SELE: variants seen among roughly 807,000 people sequenced by gnomAD.
SELE encodes selectin E, also known as E-selectin.
In SELE, 52 loss-of-function variants were observed where a neutral mutation model predicts 75.8. The ratio of observed to expected loss-of-function variants is 0.69; its 90% CI spans 0.55 to 0.86. SELE has a LOEUF of 0.86. Among genes scored for constraint, SELE ranks in the 40% least tolerant of loss-of-function variants. The probability of loss-of-function intolerance (pLI) is 0.00; values close to 1 mark genes in which losing one functional copy is unlikely to be tolerated. For missense variants in SELE, 754 were observed against 732.7 expected, an observed-to-expected ratio of 1.03 and a Z score of -0.34; for synonymous variants, 285 against 258.7, an observed-to-expected ratio of 1.10 and a Z score of -0.98.
At position 169,726,710 on chromosome 1, in the gene SELE, C is replaced by A; in HGVS notation, c.1742G>T (p.Cys581Phe). ...LAPFLLWLRK[C>F]LRKAKKFVPA... ...ATAAACTTCCTCACCTTTCCGTAAG[C>A]ATTTCCGAAGCCAGAGGAGAAATGG... The change falls in exon 11 of 14, where the codon TGC becomes TTC. Residue 581 changes from cysteine to phenylalanine, a missense_variant. By Grantham distance (205) the Cys-to-Phe change is radical. Transcript: ENST00000333360. The A allele has an allele frequency of 6.2e-7, 1 of 1,611,806 alleles. No homozygotes were observed. The highest frequency in any genetic ancestry group is 8.5e-7 in the Non-Finnish European group (1 of 1,178,058).
Position 169,733,006 on chromosome 1 carries a change from G to T in SELE, c.38-8C>A. The T allele has an allele frequency of 6.5e-7, 1 of 1,547,176 alleles. No individual in the cohort carries two copies. The highest frequency in any genetic ancestry group is 8.7e-7 in the Non-Finnish European group (1 of 1,154,898). On this transcript the variant is annotated splice_polypyrimidine_tract_variant and splice_region_variant and intron_variant, in intron 2 of 13. Transcript: ENST00000333360. ...TCTCTTTAATGAGAAGCACTAGTGG[G>T]AGAAAAAGAAAAGAAATGGTAGAGT...
intron 7 of SELE, among the ~76,000 whole-genome samples, chr1:169,728,898 T>C (rs1314202943): frequency 2.0e-5 from 3 of 152,214 alleles, no homozygotes; most frequent in African/African-American, 4.8e-5. Flanking sequence ...TTCCGAATTT[T>C]CTAATATGAT....
chr1:169,726,694 C>T lies in SELE; in HGVS notation c.1753+5G>A. 6.3e-7 allele frequency: 1 copy of T among 1,597,088 alleles called. No homozygotes were observed. The highest frequency in any genetic ancestry group is 8.6e-7 in the Non-Finnish European group (1 of 1,165,118). On this transcript the variant is annotated splice_donor_5th_base_variant and intron_variant, in intron 11 of 13. Coordinates refer to ENST00000333360, the MANE Select transcript of SELE (RefSeq NM_000450.2). Reference sequence around the variant, plus strand: ...TTTTTGAAGTACATTCATAAACTTCCTCACCTTTCCGTAAGCATTTCCGAA... The same window carrying T: ...TTTTTGAAGTACATTCATAAACTTCTTCACCTTTCCGTAAGCATTTCCGAA...
rs1235572603 is a variant in SELE, at chr1:169,727,388, C to T, written c.1606G>A (p.Ala536Thr). ...LNGSAARTCG[A>T]TGHWSGLLPT... Reference sequence around the variant, plus strand: ...AGCAGGCCAGACCAGTGTCCTGTGGCTCCACATGTCCGAGCTGCAGAGCCA... The same window carrying T: ...AGCAGGCCAGACCAGTGTCCTGTGGTTCCACATGTCCGAGCTGCAGAGCCA... The change falls in exon 10 of 14, where the codon GCC becomes ACC. Residue 536 changes from alanine (A) to threonine (T), a missense_variant. Coordinates refer to ENST00000333360, the MANE Select transcript of SELE (RefSeq NM_000450.2). The T allele has an allele frequency of 6.2e-7, 1 of 1,613,992 alleles. No individual in the cohort carries two copies. The highest frequency in any genetic ancestry group is 2.2e-5 in the East Asian group (1 of 44,884).
rs1433482149 is a variant in SELE, at chr1:169,734,002, T to C, written c.-80A>G. The C allele has an allele frequency of 1.9e-5, 4 of 208,948 alleles. No homozygotes were observed. The highest frequency in any genetic ancestry group is 7.9e-5 in the South Asian group (1 of 12,706). 12.9% of individuals were successfully genotyped at this position (208,948 alleles called of 1,614,324 possible). On this transcript the variant is annotated 5_prime_UTR_variant, in exon 1 of 14. Coordinates refer to ENST00000333360, the MANE Select transcript of SELE (RefSeq NM_000450.2). ...GGGAAGCAGTTGTTCAAACACAGGATCTCTCAGGTGGGTATCACTGCTGCC... is the reference window on the plus strand; with the variant it reads ...GGGAAGCAGTTGTTCAAACACAGGACCTCTCAGGTGGGTATCACTGCTGCC...
In SELE at chr1:169,729,632, C is replaced by T. The variant is rs55856271; in HGVS notation, c.757G>A (p.Val253Met). 3.1e-5 allele frequency: 50 copies of T among 1,614,106 alleles called. No individual in the cohort carries two copies. The highest frequency in any genetic ancestry group is 5.0e-5 in the Admixed American group (3 of 60,012). The stretch of plus-strand genomic sequence containing the variant: ...CTTCCAGGGTTTTGGAAACATTCCA[C>T]GAACCCATTGGCTGGATTTGTCACA... ...DAVTNPANGF[V>M]ECFQNPGSFP... is the part of the protein sequence containing the mutation. The change falls in exon 6 of 14, where the codon GTG becomes ATG. Residue 253 changes from valine (V) to methionine (M), a missense_variant. By Grantham distance (21) the Val-to-Met change is conservative. Transcript: ENST00000333360.
intron 12 of SELE, 46 bp from the exon 13 acceptor site, chr1:169,725,847 T>A (rs367858035): frequency 6.2e-7 from 1 of 1,613,628 alleles, no homozygotes; most frequent in South Asian, 1.1e-5. Flanking sequence ...TCTTCCAACA[T>A]GAAGAGAGAA....
intron 7 of SELE, 125 bp from the exon 8 acceptor site, chr1:169,728,371 G>A (rs997719457): frequency 2.3e-6 from 2 of 865,452 alleles, no homozygotes; most frequent in African/African-American, 3.4e-5. Flanking sequence ...TAATTCCCTG[G>A]ACAAATGGGA....
intron 2 of SELE, 59 bp downstream of exon 2, chr1:169,733,517 C>A: frequency 6.6e-7 from 1 of 1,526,250 alleles, no homozygotes; most frequent in Non-Finnish European, 9.1e-7. Flanking sequence ...AAGGATATTT[C>A]AGTCTGAAAT....
At chr1:169,729,446 G>T (rs1172505091) in intron 6 of SELE, 42 bp downstream of exon 6, 2 of 1,609,408 alleles carry the variant, frequency 1.2e-6, no homozygotes, top group East Asian at 2.2e-5. Flanking sequence ...TGGGTTGAGA[G>T]AAAGAATGTT....
At chr1:169,731,623 T>G in intron 4 of SELE, 1 of 485,568 alleles carries the variant, frequency 2.1e-6, no homozygotes. Context: ...ACATAGAGAG[T>G]TAAACTATCT....
In SELE at chr1:169,731,906, T is replaced by G. The variant is rs1280563819; in HGVS notation, c.458A>C (p.Glu153Ala). The change falls in exon 4 of 14, where the codon GAA becomes GCA. Residue 153 changes from glutamate to alanine, a missense_variant. Glu to Ala is a moderately radical substitution (Grantham distance 107). Coordinates refer to ENST00000333360, the MANE Select transcript of SELE (RefSeq NM_000450.2). The stretch of plus-strand genomic sequence containing the variant: ...GTAATTATTGATGGTCTCTACACAT[T>G]CACCGTGGCCACTGCAGGATGTATT... ...CTNTSCSGHG[E>A]CVETINNYTC... is the part of the protein sequence containing the mutation. 9 of 1,613,782 alleles carry G rather than the reference T, an allele frequency of 5.6e-6. No homozygotes were observed. Among genetic ancestry groups the G allele is most frequent in the Non-Finnish European group, 7.6e-6 (9 of 1,179,758 alleles).
At chr1:169,733,799 A>C in intron 1 of SELE, 139 bp from the exon 2 acceptor site, 1 of 595,440 alleles carries the variant, frequency 1.7e-6, no homozygotes, top group South Asian at 2.2e-5. Flanking sequence ...TTCAGAGTTT[A>C]ATCAAATAAA....
At chr1:169,730,383 A>G (rs1648881775) in intron 5 of SELE, 49 bp downstream of exon 5, 1 of 1,407,558 alleles carries the variant, frequency 7.1e-7, no homozygotes, top group East Asian at 2.4e-5. Flanking sequence ...AAACAGAAGC[A>G]ATGAGGGATG....
Position 169,727,503 on chromosome 1 carries a change from T to A in SELE, c.1491A>T (p.Ala497=). 6.2e-7 allele frequency: 1 copy of A among 1,613,866 alleles called. No homozygotes were observed. The highest frequency in any genetic ancestry group is 2.2e-5 in the East Asian group (1 of 44,864). ...SCQVVKCSSL[A]VPGKINMSCS... is the part of the protein sequence containing the mutation. ...AGCTCATGTTGATCTTTCCCGGAAC[T>A]GCCAGGCTTGAACATTTTACCACTG... Residue 497 remains alanine (A), a synonymous_variant, in exon 10 of 14, where the codon GCA becomes GCT. Transcript: ENST00000333360.
intron 11 of SELE, among the ~76,000 whole-genome samples, chr1:169,726,149 A>G (rs969298309): frequency 6.6e-6 from 1 of 152,208 alleles, no homozygotes; most frequent in Non-Finnish European, 1.5e-5. Flanking sequence ...GCCAGCAAAT[A>G]GCTACGGGGT....
intron 13 of SELE, among the ~76,000 whole-genome samples, chr1:169,725,516 T>C (rs1442291612): frequency 6.6e-6 from 1 of 152,240 alleles, no homozygotes; most frequent in Middle Eastern, 3.2e-3. Flanking sequence ...TCATTATTAT[T>C]ATCTATCATA....
chr1:169,726,158 G>A (rs1648757181), intron 11 of SELE, among the ~76,000 whole-genome samples: 1 of 152,176 alleles, frequency 6.6e-6, no homozygotes, highest in Admixed American at 6.5e-5. Context: ...TAGCTACGGG[G>A]TCATCTTGCC....
chr1:169,729,790 T>A, intron 5 of SELE, 117 bp from the exon 6 acceptor site: 1 of 841,680 alleles, frequency 1.2e-6, no homozygotes, highest in Non-Finnish European at 1.9e-6. Flanking sequence ...CCCAAAGTCC[T>A]ATGTCAATTC....
Sources: allele counts gnomAD v4.1 joint callset (sites outside exome capture counted in the v4.1 genomes callset), GRCh38; gene constraint gnomAD v4.1.1; transcripts MANE v1.5; gene names NCBI Gene and HGNC (gene_info 2026-07-23, HGNC 2026-07-21).